SYT14: variants seen among roughly 807,000 people sequenced by gnomAD.
SYT14 encodes the protein synaptotagmin 14.
A neutral mutation model predicts 74.2 loss-of-function variants in SYT14; 32 were observed. The ratio of observed to expected loss-of-function variants is 0.43; its 90% CI spans 0.33 to 0.58. The LOEUF (loss-of-function observed/expected upper bound fraction) is 0.58, where lower values mean the gene tolerates loss of function less well. Among genes scored for constraint, SYT14 ranks in the 20% least tolerant of loss-of-function variants. The pLI is 0.05. For synonymous variants in SYT14, 298 were observed against 337.7 expected (o/e 0.88, Z 1.29); for missense variants, 791 against 981.8 (o/e 0.81, Z 2.60).
At chr1:210,157,212 C>T (rs146577036) in intron 8 of SYT14, among the ~76,000 whole-genome samples, 5,605 of 151,842 alleles carry the variant, frequency 0.037, 612 homozygotes, top group East Asian at 0.22. Flanking sequence ...GAGGCTGAGG[C>T]GGGAGGATCA....
At chr1:210,066,912 A>T (rs2102429285) in intron 5 of SYT14, among the ~76,000 whole-genome samples, 1 of 151,920 alleles carries the variant, frequency 6.6e-6, no homozygotes, top group East Asian at 1.9e-4. Context: ...GTCATAAAAA[A>T]TTTTTCATTT....
At chr1:210,021,174 A>G in exon 5 of SYT14, 2 of 1,614,074 alleles carry the variant, frequency 1.2e-6, no homozygotes, top group South Asian at 1.1e-5. Flanking sequence ...CAAAGGAACT[A>G]TGCTTGGGAA....
intron 5 of SYT14, among the ~76,000 whole-genome samples, chr1:210,030,604 A>G (rs527545187): frequency 1.3e-5 from 2 of 152,300 alleles, no homozygotes; most frequent in African/African-American, 4.8e-5. Flanking sequence ...TGCTCTGGCT[A>G]GGACTTTCAG....
rs536276887 is a variant in SYT14 at position 210,154,080 on chromosome 1, C to T, written c.2035-1641C>T. Among the ~76,000 whole-genome samples the T allele has an allele frequency of 3.3e-5, 5 of 152,250 alleles. No individual in the cohort carries two copies. The South Asian group carries it at 8.3e-4, about 25-fold the overall frequency. On this transcript the variant is annotated intron_variant, in intron 7 of 9. Coordinates refer to ENST00000637265, the Ensembl canonical transcript of SYT14. ...AACTAGCATTATTAATTAGAATTCACTAGTGAAGCCATCTAGGCCAAAGTT... is the reference window on the plus strand; with the variant it reads ...AACTAGCATTATTAATTAGAATTCATTAGTGAAGCCATCTAGGCCAAAGTT...
chr1:210,055,495 G>GTT lies in SYT14; in HGVS notation c.1312+34248_1312+34249dup, dbSNP rs372338162. ...TTTATTGATTGAGAGGGCAAAATAT[G>GTT]TTTTTTTTCCTATTAGAATGTCTTA... On this transcript the variant is annotated intron_variant, in intron 5 of 9. Coordinates refer to ENST00000637265, the Ensembl canonical transcript of SYT14. Among the ~76,000 whole-genome samples the GTT allele has an allele frequency of 4.7e-3, 719 of 151,974 alleles. 4 individuals carry two copies. Among genetic ancestry groups the GTT allele is most frequent in the African/African-American group, 0.014 (561 of 41,480 alleles).
In SYT14 at chr1:209,970,662, C is replaced by CTTTTT. The variant is rs35639848; in HGVS notation, c.-486+17941_-486+17945dup. On this transcript the variant is annotated intron_variant, in intron 2 of 9. Transcript: ENST00000637265. ...TTACAGATTGCTTTGGGCAGTATGG[C>CTTTTT]TTTTTTTTTTTTTTTTTTTTTTTTT... Among the ~76,000 whole-genome samples, 168 of 62,784 alleles carry CTTTTT rather than the reference C, an allele frequency of 2.7e-3. 50 individuals are homozygous for CTTTTT. Among genetic ancestry groups the CTTTTT allele is most frequent in the Middle Eastern group, 0.011 (1 of 88 alleles). 41.2% of individuals were successfully genotyped at this position (62,784 alleles called of 152,430 possible).
rs1488091059 is a variant in SYT14 at position 210,148,875 on chromosome 1, C to T, written c.2035-6846C>T. On this transcript the variant is annotated intron_variant, in intron 7 of 9. Transcript: ENST00000637265. Reference sequence around the variant, plus strand: ...TTATATAATTTTGACACCAACTAGACAAGAATAACATGAGAAAATTATAAA... The same window carrying T: ...TTATATAATTTTGACACCAACTAGATAAGAATAACATGAGAAAATTATAAA... Among the ~76,000 whole-genome samples, 4 of 152,176 alleles carry T rather than the reference C, an allele frequency of 2.6e-5. No individual in the cohort carries two copies. The East Asian group carries it at 7.7e-4, about 29-fold the overall frequency.
At chr1:210,048,865 C>T (rs926681273) in intron 5 of SYT14, among the ~76,000 whole-genome samples, 8 of 152,206 alleles carry the variant, frequency 5.3e-5, no homozygotes, top group Non-Finnish European at 1.0e-4. Context: ...AATGGGGGTA[C>T]AGGCATTAGG....
intron 5 of SYT14, among the ~76,000 whole-genome samples, chr1:210,038,764 G>A (rs1010491797): frequency 2.6e-5 from 4 of 152,090 alleles, no homozygotes; most frequent in African/African-American, 9.7e-5. Context: ...TGCTTATACA[G>A]TTTCTGCTGG....
chr1:210,152,369 A>G (rs2083181325), intron 7 of SYT14, among the ~76,000 whole-genome samples: 1 of 152,186 alleles, frequency 6.6e-6, no homozygotes, highest in Middle Eastern at 3.2e-3. Context: ...TCTTTAAAAC[A>G]TTTTAAAAAA....
chr1:210,117,140 C>T (rs1320382096), intron 7 of SYT14, among the ~76,000 whole-genome samples: 1 of 152,122 alleles, frequency 6.6e-6, no homozygotes, highest in Admixed American at 6.5e-5. Flanking sequence ...CAATGATGAA[C>T]TTGTAGATAG....
chr1:210,092,180 A>G (rs1441874841), intron 5 of SYT14, among the ~76,000 whole-genome samples: 2 of 152,142 alleles, frequency 1.3e-5, no homozygotes, highest in African/African-American at 4.8e-5. Context: ...TTTTTCTTTA[A>G]CAAATAGGGA....
Position 210,059,445 on chromosome 1 carries a change from T to TAGAGAGAG in SYT14, c.1313-34876_1313-34875insGAGAGAGA, listed in dbSNP as rs1391983771. 9.3e-3 allele frequency among the ~76,000 whole-genome samples: 894 copies of TAGAGAGAG among 96,552 alleles called. 7 individuals carry two copies. Among genetic ancestry groups the TAGAGAGAG allele is most frequent in the Non-Finnish European group, 0.013 (654 of 51,140 alleles). The allele number at this position is 96,552 out of a possible 152,430, so 63.3% of individuals were successfully genotyped here. On this transcript the variant is annotated intron_variant, in intron 5 of 9. Transcript: ENST00000637265. ...AAGAAAGAATATATATATATATATA[T>TAGAGAGAG]ATATATAGAGAGAGAGAGAGAGAGA...
chr1:210,150,588 G>A (rs2083138943), intron 7 of SYT14, among the ~76,000 whole-genome samples: 1 of 152,200 alleles, frequency 6.6e-6, no homozygotes, highest in Non-Finnish European at 1.5e-5. Flanking sequence ...CTTTGCAGCA[G>A]GTGACTTCCC....
chr1:209,973,659 C>T (rs1318621436), intron 2 of SYT14, among the ~76,000 whole-genome samples: 6 of 152,064 alleles, frequency 3.9e-5, no homozygotes, highest in Non-Finnish European at 5.9e-5. Context: ...TGAATAGTGC[C>T]GCTATAAACA....
intron 7 of SYT14, among the ~76,000 whole-genome samples, chr1:210,145,657 A>G (rs1216624439): frequency 2.6e-5 from 4 of 152,120 alleles, no homozygotes; most frequent in Non-Finnish European, 5.9e-5. Context: ...TTTGGCTTCA[A>G]TCTTCCTTTC....
At chr1:210,016,615 C>T (rs2102933685) in exon 4 of SYT14, 1 of 1,231,706 alleles carries the variant, frequency 8.1e-7, no homozygotes. Flanking sequence ...AGAAGAATGC[C>T]AACGGAATAA....
intron 5 of SYT14, among the ~76,000 whole-genome samples, chr1:210,065,902 G>A (rs947461732): frequency 8.7e-5 from 13 of 150,100 alleles, no homozygotes; most frequent in African/African-American, 1.2e-4. Context: ...ACAGTCCCCG[G>A]TGTGTGATGT....
chr1:210,015,118 G>A (rs2080157453), intron 3 of SYT14, among the ~76,000 whole-genome samples: 1 of 151,706 alleles, frequency 6.6e-6, no homozygotes, highest in African/African-American at 2.4e-5. Flanking sequence ...AAAGAAAATG[G>A]GGAAAAAGTG....
Sources: gnomAD v4.1 joint callset for allele counts (sites outside exome capture counted in the v4.1 genomes callset) on GRCh38, gnomAD v4.1.1 for gene constraint, MANE v1.5 for transcripts, NCBI Gene and HGNC (gene_info 2026-07-23, HGNC 2026-07-21) for gene names.